The following SSBP3 variants were observed in gnomAD, a reference collection of about 807,000 sequenced individuals.
The protein encoded by SSBP3 is single stranded DNA binding protein 3, also known as single-stranded DNA-binding protein 3.
A neutral mutation model predicts 69.6 loss-of-function variants in SSBP3; 5 were observed. The ratio of observed to expected loss-of-function variants is 0.07; its 90% CI spans 0.04 to 0.15. The LOEUF is 0.15. Among genes scored for constraint, SSBP3 ranks in the 10% least tolerant of loss-of-function variants. The pLI is 1.00. For missense variants in SSBP3, 312 were observed against 534.0 expected (o/e 0.58, Z 4.10); for synonymous variants, 196 against 193.4 (o/e 1.01, Z -0.11).
intron 4 of SSBP3, among the ~76,000 whole-genome samples, chr1:54,399,567 G>A (rs74890548): frequency 1.1e-3 from 168 of 152,290 alleles, no homozygotes; most frequent in African/African-American, 3.9e-3. Context: ...CGTGATCACA[G>A]AATGCAGAAA....
intron 4 of SSBP3, among the ~76,000 whole-genome samples, chr1:54,290,990 T>A (rs909677638): frequency 6.6e-6 from 1 of 152,056 alleles, no homozygotes; most frequent in Admixed American, 6.5e-5. Context: ...ACCACAAACA[T>A]GTCATAGTAG....
chr1:54,316,665 TAAATAAA>T (rs1646112090), intron 4 of SSBP3, among the ~76,000 whole-genome samples: 2 of 20,650 alleles, frequency 9.7e-5, no homozygotes, highest in Admixed American at 7.3e-4. Flanking sequence ...AAAAATAAAA[TAAATAAA>T]TAAATAAATA....
intron 13 of SSBP3, among the ~76,000 whole-genome samples, chr1:54,240,677 G>C (rs1267429807): frequency 1.3e-5 from 2 of 152,142 alleles, no homozygotes; most frequent in Admixed American, 1.3e-4. Flanking sequence ...GAGAATCCCT[G>C]TTCCTGGACT....
At chr1:54,253,189 T>TC (rs1644862359) in intron 7 of SSBP3, among the ~76,000 whole-genome samples, 1 of 143,308 alleles carries the variant, frequency 7.0e-6, no homozygotes, top group Admixed American at 6.8e-5. Context: ...TTTTTTAGTT[T>TC]TTGTTTTTTT....
intron 4 of SSBP3, among the ~76,000 whole-genome samples, chr1:54,364,217 C>G (rs948411274): frequency 2.6e-5 from 4 of 152,220 alleles, no homozygotes; most frequent in African/African-American, 9.7e-5. Context: ...AATGGCAGAG[C>G]TGAGTAGTTG....
At chr1:54,291,138 A>T (rs1410072969) in intron 4 of SSBP3, among the ~76,000 whole-genome samples, 1 of 149,210 alleles carries the variant, frequency 6.7e-6, no homozygotes, top group Non-Finnish European at 1.5e-5. Context: ...AGAACAGAAA[A>T]CCACCCGCTT....
At chr1:54,273,153 T>G (rs189883749) in intron 5 of SSBP3, among the ~76,000 whole-genome samples, 200 of 152,348 alleles carry the variant, frequency 1.3e-3, no homozygotes, top group Non-Finnish European at 2.1e-3. Flanking sequence ...CGAGCAAATC[T>G]CCCAGGCGCT....
chr1:54,355,725 A>G (rs1426698897), intron 4 of SSBP3, among the ~76,000 whole-genome samples: 3 of 152,298 alleles, frequency 2.0e-5, no homozygotes, highest in African/African-American at 7.2e-5. Flanking sequence ...GAGTTATCTT[A>G]AAGTCCTCCT....
chr1:54,243,460 A>T, intron 9 of SSBP3, 161 bp from the exon 10 acceptor site: 1 of 804,904 alleles, frequency 1.2e-6, no homozygotes, highest in Admixed American at 2.1e-5. Context: ...GCGGGTGGGA[A>T]CCAAGTCACA....
exon 1 of SSBP3, chr1:54,406,068 C>A: frequency 1.1e-6 from 1 of 929,462 alleles, no homozygotes; most frequent in Non-Finnish European, 1.5e-6. Flanking sequence ...CGCTACCGCT[C>A]CGGCTCTCCC....
intron 4 of SSBP3, among the ~76,000 whole-genome samples, chr1:54,363,136 C>G (rs888319634): frequency 6.6e-6 from 1 of 152,154 alleles, no homozygotes; most frequent in Non-Finnish European, 1.5e-5. Flanking sequence ...TCTAGCACAG[C>G]CCCTGAACAG....
intron 4 of SSBP3, among the ~76,000 whole-genome samples, chr1:54,319,554 T>C (rs926560934): frequency 6.6e-6 from 1 of 152,044 alleles, no homozygotes; most frequent in Non-Finnish European, 1.5e-5. Flanking sequence ...TCAGTGTCAC[T>C]TTCAGCCCCA....
intron 4 of SSBP3, among the ~76,000 whole-genome samples, chr1:54,300,851 G>A (rs1346837846): frequency 6.6e-6 from 1 of 152,082 alleles, no homozygotes; most frequent in South Asian, 2.1e-4. Context: ...CAGAGAGAAG[G>A]GCAAAGCAAA....
chr1:54,336,519 C>T (rs1458263895), intron 4 of SSBP3, among the ~76,000 whole-genome samples: 2 of 152,174 alleles, frequency 1.3e-5, no homozygotes, highest in African/African-American at 4.8e-5. Context: ...CCCAAGCCCA[C>T]GGAGCCAATG....
upstream of SSBP3, among the ~76,000 whole-genome samples, chr1:54,410,145 G>C (rs1228760254): frequency 2.6e-5 from 4 of 152,226 alleles, no homozygotes; most frequent in African/African-American, 9.7e-5. Context: ...ATGGTGAAAG[G>C]AACAGAAGGA....
At chr1:54,232,510 A>C (rs1227157499) in intron 14 of SSBP3, among the ~76,000 whole-genome samples, 1 of 152,182 alleles carries the variant, frequency 6.6e-6, no homozygotes, top group African/African-American at 2.4e-5. Flanking sequence ...CAGGAGGATC[A>C]CCTGAGCCCA....
chr1:54,308,063 C>T (rs544982590), intron 4 of SSBP3, among the ~76,000 whole-genome samples: 46 of 152,346 alleles, frequency 3.0e-4, no homozygotes, highest in African/African-American at 1.1e-3. Context: ...TTTCCTGTAA[C>T]ATCCCTAGTG....
intron 4 of SSBP3, among the ~76,000 whole-genome samples, chr1:54,336,162 A>AT (rs1646504069): frequency 2.6e-5 from 4 of 152,386 alleles, no homozygotes; most frequent in South Asian, 2.1e-4. Context: ...TCTGATGGGC[A>AT]TAACTTCTTA....
chr1:54,256,625 A>C (rs1260632549), intron 7 of SSBP3, among the ~76,000 whole-genome samples: 2 of 152,140 alleles, frequency 1.3e-5, no homozygotes, highest in East Asian at 1.9e-4. Flanking sequence ...AAAAACTCAC[A>C]AATCTCCTGC....
Sources: gnomAD v4.1 joint callset for allele counts (sites outside exome capture counted in the v4.1 genomes callset) on GRCh38, gnomAD v4.1.1 for gene constraint, MANE v1.5 for transcripts, NCBI Gene and HGNC (gene_info 2026-07-23, HGNC 2026-07-21) for gene names.